Variants in CDK14 observed in about 807,000 individuals in gnomAD.
CDK14 encodes the protein cyclin dependent kinase 14.
In CDK14, 34 loss-of-function variants were observed where a neutral mutation model predicts 60.7. That is an observed-to-expected ratio of 0.56 (90% CI 0.43 to 0.75). The LOEUF is 0.75. CDK14 is among the 30% of genes least tolerant of loss of function. CDK14 has a pLI of 0.00. For synonymous variants in CDK14, 197 were observed against 203.7 expected (o/e 0.97, Z 0.28); for missense variants, 482 against 564.1 (o/e 0.85, Z 1.47).
chr7:91,200,333 G>A (rs1802675903), intron 14 of CDK14, among the ~76,000 whole-genome samples: 1 of 152,138 alleles, frequency 6.6e-6, no homozygotes, highest in Non-Finnish European at 1.5e-5. Flanking sequence ...GTTTGCCTAG[G>A]TGCTTAGGGT....
At chr7:91,147,983 T>C (rs1433798430) in intron 14 of CDK14, among the ~76,000 whole-genome samples, 1 of 152,240 alleles carries the variant, frequency 6.6e-6, no homozygotes, top group East Asian at 1.9e-4. Context: ...CTTACATGTA[T>C]ACACACATAT....
chr7:91,121,352 C>T (rs1044405783), intron 14 of CDK14, among the ~76,000 whole-genome samples: 1 of 152,204 alleles, frequency 6.6e-6, no homozygotes, highest in African/African-American at 2.4e-5. Context: ...ACTGGGCCGG[C>T]CGGCATTTTA....
In CDK14 at chr7:90,649,728, G is replaced by A. The variant is rs1186834946; in HGVS notation, c.123+45479G>A. Among the ~76,000 whole-genome samples, 4 of 151,856 alleles carry A rather than the reference G, an allele frequency of 2.6e-5. No homozygotes were observed. In the East Asian group the frequency reaches 7.8e-4, roughly 30 times the overall value. ...ATGCAGTGTTTGGTTTTCTGTCCTTGTGGTAGTTTGCTGAGAATGATGGTT... is the reference window on the plus strand; with the variant it reads ...ATGCAGTGTTTGGTTTTCTGTCCTTATGGTAGTTTGCTGAGAATGATGGTT... On this transcript the variant is annotated intron_variant, in intron 2 of 14. Coordinates refer to ENST00000380050, the MANE Select transcript of CDK14 (RefSeq NM_001287135.2).
At position 91,126,460 on chromosome 7, in the gene CDK14, A is replaced by G. The variant is rs369564097; in HGVS notation, c.*28+8252A>G. On this transcript the variant is annotated intron_variant, in intron 14 of 14. Coordinates refer to ENST00000380050, the MANE Select transcript of CDK14 (RefSeq NM_001287135.2). ...CTTTCTTCACTGTGGCAAGTATTAT[A>G]ATCATCCCTAGTTTACAAATGCACA... 2.0e-4 allele frequency among the ~76,000 whole-genome samples: 31 copies of G among 152,340 alleles called. 1 individual carries two copies. The South Asian group carries it at 6.4e-3, about 32-fold the overall frequency.
At chr7:91,185,515 A>G (rs952730203) in intron 14 of CDK14, among the ~76,000 whole-genome samples, 3 of 152,114 alleles carry the variant, frequency 2.0e-5, no homozygotes, top group Middle Eastern at 3.4e-3. Flanking sequence ...ACATATTCCT[A>G]TAATGATTTA....
intron 2 of CDK14, among the ~76,000 whole-genome samples, chr7:90,651,330 G>T (rs936617356): frequency 3.3e-5 from 5 of 152,024 alleles, no homozygotes; most frequent in Non-Finnish European, 7.4e-5. Context: ...ATTACACTGT[G>T]TGCCCCACCC....
At chr7:91,193,400 T>C (rs889820790) in intron 14 of CDK14, among the ~76,000 whole-genome samples, 2 of 152,212 alleles carry the variant, frequency 1.3e-5, no homozygotes, top group African/African-American at 4.8e-5. Flanking sequence ...TTAAGAATTA[T>C]CACAATCTGA....
intron 8 of CDK14, among the ~76,000 whole-genome samples, chr7:90,931,931 GT>G (rs201758678): frequency 1.9e-3 from 294 of 150,870 alleles, no homozygotes; most frequent in African/African-American, 6.7e-3. Context: ...ACATGAATAC[GT>G]TTTTTTTTCT....
intron 5 of CDK14, among the ~76,000 whole-genome samples, chr7:90,836,912 G>A (rs1188864361): frequency 6.6e-6 from 1 of 152,202 alleles, no homozygotes; most frequent in East Asian, 1.9e-4. Flanking sequence ...TCATTATGCA[G>A]CATGTAACTG....
chr7:91,165,601 G>A lies in CDK14; in HGVS notation c.*29-41564G>A, dbSNP rs942436980. Among the ~76,000 whole-genome samples, 135 of 152,220 alleles carry A rather than the reference G, an allele frequency of 8.9e-4. 1 individual carries two copies. Among genetic ancestry groups the A allele is most frequent in the Non-Finnish European group, 4.6e-4 (31 of 68,020 alleles). On this transcript the variant is annotated intron_variant, in intron 14 of 14. Coordinates refer to ENST00000380050, the MANE Select transcript of CDK14 (RefSeq NM_001287135.2). ...GTAATAGTGCTCATCACATTCCACC[G>A]AGTAAAATCATAGAGCAGAAACACC... is the stretch of plus-strand genomic sequence containing the variant.
rs138246577 is a variant in CDK14 at position 91,127,462 on chromosome 7, A to G, written c.*28+9254A>G. ...GTGTGGAAGACTAGCTTAGTTGCAT[A>G]CTGAATTATAACAGGGTTGGTGTTT... On this transcript the variant is annotated intron_variant, in intron 14 of 14. Transcript: ENST00000380050. Among the ~76,000 whole-genome samples the G allele has an allele frequency of 4.0e-3, 614 of 152,268 alleles. 4 individuals carry two copies. Among genetic ancestry groups the G allele is most frequent in the African/African-American group, 0.013 (543 of 41,568 alleles).
chr7:90,709,754 T>G, intron 2 of CDK14: 1 of 1,424,840 alleles, frequency 7.0e-7, no homozygotes, highest in Non-Finnish European at 9.2e-7. Flanking sequence ...TTAGCTTCTC[T>G]TAGGGGATTT....
intron 4 of CDK14, among the ~76,000 whole-genome samples, chr7:90,757,025 T>G (rs1012118757): frequency 1.3e-5 from 2 of 152,200 alleles, no homozygotes; most frequent in Admixed American, 6.5e-5. Context: ...ATGTACTTTC[T>G]CAGTTCTAGA....
intron 7 of CDK14, among the ~76,000 whole-genome samples, chr7:90,900,901 G>T (rs1792485335): frequency 6.6e-6 from 1 of 152,030 alleles, no homozygotes; most frequent in Non-Finnish European, 1.5e-5. Flanking sequence ...TTTTGTTGAT[G>T]AAAAAAAGAA....
At chr7:90,798,512 G>A (rs762343059) in intron 5 of CDK14, among the ~76,000 whole-genome samples, 2 of 152,172 alleles carry the variant, frequency 1.3e-5, no homozygotes, top group Non-Finnish European at 2.9e-5. Flanking sequence ...TAGAACACCT[G>A]AATTTGAATT....
chr7:90,970,996 T>C (rs1292082475), intron 9 of CDK14, among the ~76,000 whole-genome samples: 1 of 152,122 alleles, frequency 6.6e-6, no homozygotes, highest in Non-Finnish European at 1.5e-5. Flanking sequence ...TTGTTACATA[T>C]GTATACATGT....
chr7:91,190,166 A>T (rs779731379), intron 14 of CDK14, among the ~76,000 whole-genome samples: 1 of 152,220 alleles, frequency 6.6e-6, no homozygotes, highest in Non-Finnish European at 1.5e-5. Flanking sequence ...AAATGTAGAC[A>T]TGGAGGGGGT....
At chr7:91,169,192 G>A (rs1457678907) in intron 14 of CDK14, among the ~76,000 whole-genome samples, 4 of 152,158 alleles carry the variant, frequency 2.6e-5, no homozygotes, top group South Asian at 2.1e-4. Context: ...GCTCACCGGC[G>A]TGATACCGCT....
chr7:90,708,199 A>T (rs1801942037), intron 2 of CDK14, among the ~76,000 whole-genome samples: 1 of 152,190 alleles, frequency 6.6e-6, no homozygotes. Flanking sequence ...TGAAAAATGC[A>T]ATTGGCGTGA....
Sources: allele counts gnomAD v4.1 joint callset (sites outside exome capture counted in the v4.1 genomes callset), GRCh38; gene constraint gnomAD v4.1.1; transcripts MANE v1.5; gene names NCBI Gene and HGNC (gene_info 2026-07-23, HGNC 2026-07-21).